The following SOX6 variants were observed in gnomAD, a reference collection of about 807,000 sequenced individuals.
The protein encoded by SOX6 is SRY-box transcription factor 6, also known as transcription factor SOX-6.
In SOX6, 11 loss-of-function variants were observed where a neutral mutation model predicts 97.8. The observed-to-expected ratio is 0.11, with a 90% CI of 0.07 to 0.19. The LOEUF (loss-of-function observed/expected upper bound fraction) is 0.19. Ranked by LOEUF, SOX6 falls within the 10% of genes least tolerant of loss-of-function variation. The pLI, the probability that SOX6 is intolerant of heterozygous loss-of-function variation, is 1.00. For synonymous variants in SOX6, 360 were observed against 371.4 expected, an observed-to-expected ratio of 0.97 and a Z score of 0.35; for missense variants, 810 against 1,039.5, an observed-to-expected ratio of 0.78 and a Z score of 3.04.
At chr11:16,309,010 G>A (rs1327867164) in intron 3 of SOX6, among the ~76,000 whole-genome samples, 3 of 152,238 alleles carry the variant, frequency 2.0e-5, no homozygotes, top group Non-Finnish European at 2.9e-5. Context: ...AAAAGGTATA[G>A]ACAGTTAAAG....
chr11:16,050,831 C>T (rs1474029284), intron 10 of SOX6, among the ~76,000 whole-genome samples: 2 of 151,944 alleles, frequency 1.3e-5, no homozygotes, highest in African/African-American at 4.8e-5. Flanking sequence ...TATAATATGA[C>T]CATATTTATT....
chr11:16,430,080 T>C (rs1859245709), intron 1 of SOX6, among the ~76,000 whole-genome samples: 1 of 152,254 alleles, frequency 6.6e-6, no homozygotes. Context: ...CTCTGAGCTT[T>C]GGCCTCACTA....
intron 7 of SOX6, among the ~76,000 whole-genome samples, chr11:16,105,000 CA>C (rs377760451): frequency 5.5e-4 from 80 of 144,292 alleles, no homozygotes; most frequent in Non-Finnish European, 8.3e-4. Flanking sequence ...CAAACTCTTA[CA>C]AAAAAAAAAT....
At chr11:16,345,350 T>A (rs1023497126) in intron 1 of SOX6, among the ~76,000 whole-genome samples, 13 of 151,952 alleles carry the variant, frequency 8.6e-5, no homozygotes, top group African/African-American at 3.1e-4. Flanking sequence ...TAAATTCCCA[T>A]CATATGTTCC....
chr11:16,616,846 A>G (rs2133986119), intron 3 of SOX6, among the ~76,000 whole-genome samples: 1 of 152,072 alleles, frequency 6.6e-6, no homozygotes, highest in South Asian at 2.1e-4. Context: ...TGATATATCT[A>G]TAAAAAACCT....
chr11:16,240,152 T>TG (rs1314551044), intron 3 of SOX6, among the ~76,000 whole-genome samples: 13 of 152,042 alleles, frequency 8.6e-5, no homozygotes, highest in African/African-American at 2.9e-4. Flanking sequence ...ATGATCGGTG[T>TG]GAAAAAATAG....
intron 3 of SOX6, among the ~76,000 whole-genome samples, chr11:16,277,844 C>A (rs978329545): frequency 1.3e-5 from 2 of 152,174 alleles, no homozygotes; most frequent in African/African-American, 2.4e-5. Flanking sequence ...AGTTATTCAA[C>A]GTGGTTTCAA....
At chr11:16,553,203 A>G (rs1014385086) in intron 4 of SOX6, among the ~76,000 whole-genome samples, 2 of 152,174 alleles carry the variant, frequency 1.3e-5, no homozygotes, top group African/African-American at 4.8e-5. Context: ...GAAAGAACTT[A>G]AGGTTAAGTT....
intron 12 of SOX6, among the ~76,000 whole-genome samples, chr11:16,015,730 G>A (rs1410159632): frequency 6.6e-6 from 1 of 151,970 alleles, no homozygotes; most frequent in Non-Finnish European, 1.5e-5. Flanking sequence ...AAGCACCACA[G>A]TGAACACTCC....
chr11:16,177,150 T>C (rs1415912229), intron 6 of SOX6, among the ~76,000 whole-genome samples: 1 of 151,846 alleles, frequency 6.6e-6, no homozygotes, highest in East Asian at 1.9e-4. Flanking sequence ...CCCCAAAAGG[T>C]GGAAAAACAT....
intron 1 of SOX6, among the ~76,000 whole-genome samples, chr11:16,434,608 G>A (rs1260025472): frequency 1.3e-5 from 2 of 152,052 alleles, no homozygotes; most frequent in South Asian, 4.1e-4. Context: ...TTATGTATCT[G>A]TCTCATCTTC....
intron 4 of SOX6, among the ~76,000 whole-genome samples, chr11:16,562,883 C>T (rs993767096): frequency 2.6e-5 from 4 of 152,164 alleles, no homozygotes; most frequent in African/African-American, 9.6e-5. Context: ...CCCAGAGGAC[C>T]ATCTGAACTT....
In SOX6 at chr11:16,186,945, C is replaced by T. The variant is rs367719414; in HGVS notation, c.546G>A (p.Glu182=). The change falls in exon 5 of 16, where the codon GAG becomes GAA. Residue 182 remains glutamate (E), a synonymous_variant. Transcript: ENST00000683767. ...ELLGEIKGTP[E]SLAEKERQLS... Reference sequence around the variant, plus strand: ...GCTGCCGTTCTTTTTCTGCCAGGCTCTCAGGTGTACCTAAAATGGAAGCAA... The same window carrying T: ...GCTGCCGTTCTTTTTCTGCCAGGCTTTCAGGTGTACCTAAAATGGAAGCAA... 1.8e-5 allele frequency: 29 copies of T among 1,613,758 alleles called. No individual in the cohort carries two copies. In the East Asian group the frequency reaches 3.1e-4, roughly 17 times the overall value.
intron 7 of SOX6, among the ~76,000 whole-genome samples, chr11:16,109,154 C>G (rs1464302291): frequency 1.3e-5 from 2 of 152,042 alleles, no homozygotes; most frequent in Non-Finnish European, 2.9e-5. Flanking sequence ...AAAATTTAGT[C>G]ATTGCTGTCT....
At chr11:16,034,491 G>T (rs1251376215) in intron 12 of SOX6, among the ~76,000 whole-genome samples, 1 of 152,194 alleles carries the variant, frequency 6.6e-6, no homozygotes, top group East Asian at 1.9e-4. Flanking sequence ...CTGCCAGACT[G>T]CTCTCAATGG....
chr11:16,693,481 C>T (rs912875913), intron 3 of SOX6, among the ~76,000 whole-genome samples: 7 of 152,026 alleles, frequency 4.6e-5, no homozygotes, highest in African/African-American at 1.7e-4. Context: ...TCCTAATTCT[C>T]TATCATATCA....
intron 3 of SOX6, among the ~76,000 whole-genome samples, chr11:16,654,808 C>G (rs1847701173): frequency 6.6e-6 from 1 of 152,156 alleles, no homozygotes; most frequent in African/African-American, 2.4e-5. Flanking sequence ...CTCATTACTT[C>G]ATTACTCATA....
chr11:16,107,531 G>A (rs1247293364), intron 7 of SOX6, among the ~76,000 whole-genome samples: 2 of 150,848 alleles, frequency 1.3e-5, no homozygotes, highest in African/African-American at 4.9e-5. Flanking sequence ...AAATAAGCTA[G>A]ACATAGAAGG....
intron 12 of SOX6, among the ~76,000 whole-genome samples, chr11:16,045,994 C>G (rs533405221): frequency 6.6e-6 from 1 of 152,128 alleles, no homozygotes; most frequent in South Asian, 2.1e-4. Context: ...GTATCTCCAG[C>G]GCCTAGAACA....
Sources: allele counts gnomAD v4.1 joint callset (sites outside exome capture counted in the v4.1 genomes callset), GRCh38; gene constraint gnomAD v4.1.1; transcripts MANE v1.5; gene names NCBI Gene and HGNC (gene_info 2026-07-23, HGNC 2026-07-21).